The following VIPR1 variants were observed in gnomAD, a reference collection of about 807,000 sequenced individuals.
The protein encoded by VIPR1 is vasoactive intestinal polypeptide receptor 1.
VIPR1 carries 59 observed loss-of-function variants against 58.8 expected under a neutral mutation model. That is an observed-to-expected ratio of 1.00 (90% confidence interval 0.81 to 1.25). The LOEUF (loss-of-function observed/expected upper bound fraction) is 1.25, where lower values mean the gene tolerates loss of function less well. Ranked by LOEUF, VIPR1 falls within the 50% of genes most tolerant of loss-of-function variation. The pLI is 0.00. For missense variants in VIPR1, 626 were observed against 602.7 expected (o/e 1.04, Z -0.40); for synonymous variants, 251 against 242.1 (o/e 1.04, Z -0.34).
intron 1 of VIPR1, among the ~76,000 whole-genome samples, chr3:42,505,121 G>T (rs1700058271): frequency 6.6e-6 from 1 of 152,098 alleles, no homozygotes; most frequent in South Asian, 2.1e-4. Context: ...TCTATCTGGT[G>T]TGGGAGACCA....
chr3:42,494,387 C>T (rs982385303), intron 1 of VIPR1, among the ~76,000 whole-genome samples: 5 of 152,174 alleles, frequency 3.3e-5, no homozygotes, highest in Non-Finnish European at 7.3e-5. Flanking sequence ...TGCTTTCAAA[C>T]AGTTTGATTA....
chr3:42,531,921 G>T, intron 9 of VIPR1, 52 bp downstream of exon 9: 1 of 1,606,634 alleles, frequency 6.2e-7, no homozygotes, highest in Non-Finnish European at 8.5e-7. Flanking sequence ...CAAAGGGCAG[G>T]CAACTTAGCC....
chr3:42,531,236 A>G (rs553654968), intron 7 of VIPR1: 25 of 614,732 alleles, frequency 4.1e-5, no homozygotes, highest in Admixed American at 3.5e-4. Context: ...CTCTGTCACA[A>G]TTAGAAAGAG....
intron 1 of VIPR1, chr3:42,511,836 C>T (rs1700376680): frequency 6.6e-6 from 1 of 152,122 alleles, no homozygotes; most frequent in Non-Finnish European, 1.5e-5. Context: ...GCCACTATTC[C>T]CCCTATACTT....
chr3:42,527,530 A>C (rs1404268997), intron 5 of VIPR1, 34 bp downstream of exon 5: 1 of 1,603,524 alleles, frequency 6.2e-7, no homozygotes, highest in Admixed American at 1.7e-5. Context: ...GCCTCAAAGC[A>C]AACCTGGCAA....
chr3:42,509,233 C>T (rs928824785), intron 1 of VIPR1: 2 of 152,298 alleles, frequency 1.3e-5, no homozygotes, highest in African/African-American at 4.8e-5. Context: ...CCAGCTTCTC[C>T]TCGGAGGGAC....
chr3:42,512,643 C>A, intron 1 of VIPR1: 1 of 772,934 alleles, frequency 1.3e-6, no homozygotes, highest in Non-Finnish European at 1.6e-6. Context: ...GACCCTGTCC[C>A]AGGGTGGGAG....
At chr3:42,499,417 T>G (rs1036928181), upstream of VIPR1, among the ~76,000 whole-genome samples, 71 of 152,230 alleles carry the variant, frequency 4.7e-4, no homozygotes, top group African/African-American at 1.6e-3. Flanking sequence ...GTGCCATGCC[T>G]GTTGTCACGG....
chr3:42,522,198 G>A (rs1261796112), intron 3 of VIPR1, among the ~76,000 whole-genome samples: 4 of 136,446 alleles, frequency 2.9e-5, no homozygotes, highest in Admixed American at 1.6e-4. Context: ...TGCAACCTCC[G>A]CCTTCCGGGT....
In VIPR1 at chr3:42,535,352, GTGGCTATCCTCTAC is replaced by G; in HGVS notation, c.1153_1166del (p.Ala385LeufsTer5). The G allele has an allele frequency of 6.2e-7, 1 of 1,614,116 alleles. No individual in the cohort carries two copies. Among genetic ancestry groups the G allele is most frequent in the Non-Finnish European group, 8.5e-7 (1 of 1,180,030 alleles). ...TCATCTTCCTTCTCAGGGTTTTGTG[GTGGCTATCCTCTAC>G]TGCTTCCTCAATGGTGAGGTAAGCC... is the stretch of plus-strand genomic sequence containing the variant. On this transcript the variant is annotated frameshift_variant, in exon 12 of 13. Transcript: ENST00000325123. LOFTEE classifies it high-confidence loss of function.
chr3:42,502,854 G>C, intron 1 of VIPR1, 41 bp downstream of exon 1: 1 of 1,240,970 alleles, frequency 8.1e-7, no homozygotes, highest in Non-Finnish European at 1.0e-6. Flanking sequence ...GGCAGCCTGG[G>C]GGTTGCGGAG....
chr3:42,503,545 A>G (rs1486059881), intron 1 of VIPR1, among the ~76,000 whole-genome samples: 2 of 152,004 alleles, frequency 1.3e-5, no homozygotes, highest in African/African-American at 2.4e-5. Context: ...CCCTTGATAC[A>G]TGTGTACTCG....
At position 42,536,409 on chromosome 3, in the gene VIPR1, C is replaced by T; in HGVS notation, c.*128C>T. ...CCTGGGCTCGGAGGCTGCCCCCGGCCCCCTGGTCTCTGGTCCGGACACTCC... is the reference window on the plus strand; with the variant it reads ...CCTGGGCTCGGAGGCTGCCCCCGGCTCCCTGGTCTCTGGTCCGGACACTCC... On this transcript the variant is annotated 3_prime_UTR_variant, in exon 13 of 13. Coordinates refer to ENST00000325123, the MANE Select transcript of VIPR1 (RefSeq NM_004624.4). 1 of 1,039,334 alleles carries T rather than the reference C, an allele frequency of 9.6e-7. No homozygotes were observed. The highest frequency in any genetic ancestry group is 1.3e-6 in the Non-Finnish European group (1 of 749,578). The allele number at this position is 1,039,334 out of a possible 1,614,324, so 64.4% of individuals were successfully genotyped here.
At chr3:42,524,432 T>C (rs1701121847) in intron 3 of VIPR1, among the ~76,000 whole-genome samples, 1 of 152,180 alleles carries the variant, frequency 6.6e-6, no homozygotes, top group Non-Finnish European at 1.5e-5. Context: ...CCCAGTCCAA[T>C]GCCCCCTCCT....
intron 3 of VIPR1, 66 bp downstream of exon 3, chr3:42,519,396 G>A (rs1700799309): frequency 2.8e-6 from 4 of 1,421,154 alleles, no homozygotes; most frequent in Non-Finnish European, 3.8e-6. Flanking sequence ...CACCTCTCAA[G>A]GAAGTGGAAA....
chr3:42,523,223 T>C (rs1701052568), intron 3 of VIPR1, among the ~76,000 whole-genome samples: 1 of 152,170 alleles, frequency 6.6e-6, no homozygotes, highest in Non-Finnish European at 1.5e-5. Flanking sequence ...CTTGGCTGCT[T>C]CTTGGGATCC....
intron 10 of VIPR1, 53 bp downstream of exon 10, chr3:42,532,386 A>G: frequency 1.3e-6 from 2 of 1,548,900 alleles, no homozygotes; most frequent in Non-Finnish European, 1.8e-6. Flanking sequence ...CCAGTCCTCA[A>G]ATCATCCCAC....
chr3:42,533,686 A>ATGT (rs1701698901), intron 10 of VIPR1: 1 of 152,182 alleles, frequency 6.6e-6, no homozygotes, highest in Admixed American at 6.5e-5. Flanking sequence ...CTCCCACTCT[A>ATGT]CACCTCCCCA....
intron 6 of VIPR1, chr3:42,529,969 TC>T (rs1701448139): frequency 6.6e-6 from 1 of 151,820 alleles, no homozygotes; most frequent in Non-Finnish European, 1.5e-5. Flanking sequence ...CATTTCTACT[TC>T]CCCCTCTTCC....
Sources: gnomAD v4.1 joint callset for allele counts (sites outside exome capture counted in the v4.1 genomes callset) on GRCh38, gnomAD v4.1.1 for gene constraint, MANE v1.5 for transcripts, NCBI Gene and HGNC (gene_info 2026-07-23, HGNC 2026-07-21) for gene names.